Variants in AGBL1 observed in about 807,000 individuals in gnomAD.
The protein encoded by AGBL1 is cytosolic carboxypeptidase 4.
In AGBL1, 130 loss-of-function variants were observed where a neutral mutation model predicts 118.9. The observed-to-expected ratio is 1.09, with a 90% confidence interval of 0.95 to 1.26. The LOEUF (loss-of-function observed/expected upper bound fraction) is 1.26, where lower values mean the gene tolerates loss of function less well. Among genes scored for constraint, AGBL1 ranks in the 50% most tolerant of loss-of-function variants. The probability of loss-of-function intolerance (pLI) is 0.00; values close to 1 mark genes in which losing one functional copy is unlikely to be tolerated. For missense variants in AGBL1, 1,584 were observed against 1,298.1 expected (o/e 1.22, Z -3.38); for synonymous variants, 555 against 478.9 (o/e 1.16, Z -2.08).
chr15:86,965,257 A>G (rs1022175942), intron 23 of AGBL1, among the ~76,000 whole-genome samples: 3 of 152,110 alleles, frequency 2.0e-5, no homozygotes, highest in African/African-American at 7.2e-5. Context: ...AACAGTCTAA[A>G]AGCGTTTCTA....
At chr15:86,690,034 G>T (rs997889013) in intron 22 of AGBL1, among the ~76,000 whole-genome samples, 3 of 152,056 alleles carry the variant, frequency 2.0e-5, no homozygotes, top group Non-Finnish European at 4.4e-5. Context: ...TTTCTGTTTT[G>T]CTGTGGTCAA....
chr15:86,258,103 G>A lies in AGBL1; in HGVS notation c.969+72G>A, dbSNP rs1478694155. ...TGCACAGAAAAATATTACTTCCTGT[G>A]TTTGCCCAAGCCCAGTGTAAATTTT... On this transcript the variant is annotated intron_variant, in intron 9 of 22. Transcript: ENST00000614907. 8 of 1,501,036 alleles carry A rather than the reference G, an allele frequency of 5.3e-6. No individual in the cohort carries two copies. The African/African-American group carries it at 1.1e-4, about 21-fold the overall frequency. 93.0% of individuals were successfully genotyped at this position (1,501,036 alleles called of 1,614,324 possible). A position where few individuals can be genotyped will look rare whatever the true frequency, so the allele number is the denominator to read the frequency against.
At chr15:86,410,420 A>G (rs1408280017) in intron 18 of AGBL1, among the ~76,000 whole-genome samples, 1 of 152,128 alleles carries the variant, frequency 6.6e-6, no homozygotes, top group Non-Finnish European at 1.5e-5. Flanking sequence ...GACAGTCAGA[A>G]GAAGACCCAC....
intron 5 of AGBL1, among the ~76,000 whole-genome samples, chr15:86,164,941 GTC>G (rs2077316975): frequency 6.6e-6 from 1 of 152,158 alleles, no homozygotes; most frequent in South Asian, 2.1e-4. Context: ...GACCATGCTG[GTC>G]TCACCCTCAC....
At chr15:86,573,672 G>GTT (rs1342172186) in intron 21 of AGBL1, among the ~76,000 whole-genome samples, 3 of 152,162 alleles carry the variant, frequency 2.0e-5, no homozygotes, top group Non-Finnish European at 4.4e-5. Flanking sequence ...ACTGGAGTAT[G>GTT]TAAGAACATG....
intron 21 of AGBL1, among the ~76,000 whole-genome samples, chr15:86,566,932 T>A (rs529198737): frequency 4.4e-4 from 67 of 152,332 alleles, no homozygotes; most frequent in Admixed American, 1.0e-3. Context: ...CTGACTTTTA[T>A]GAGCTTTAGT....
chr15:86,682,111 A>G (rs2085969807), intron 22 of AGBL1, among the ~76,000 whole-genome samples: 1 of 152,208 alleles, frequency 6.6e-6, no homozygotes, highest in South Asian at 2.1e-4. Flanking sequence ...AGCGCATAGT[A>G]TGAAATATCT....
At chr15:86,643,925 C>A (rs939326385) in intron 21 of AGBL1, among the ~76,000 whole-genome samples, 2 of 152,056 alleles carry the variant, frequency 1.3e-5, no homozygotes, top group African/African-American at 4.8e-5. Flanking sequence ...GTTGTTTTTC[C>A]TATTTTTACT....
chr15:86,885,661 T>A (rs2079959515), intron 22 of AGBL1, among the ~76,000 whole-genome samples: 1 of 152,150 alleles, frequency 6.6e-6, no homozygotes, highest in African/African-American at 2.4e-5. Flanking sequence ...AAAAAAGCAA[T>A]AAGATATAGA....
At chr15:86,239,261 T>C (rs2078604008) in intron 6 of AGBL1, among the ~76,000 whole-genome samples, 1 of 152,238 alleles carries the variant, frequency 6.6e-6, no homozygotes, top group Non-Finnish European at 1.5e-5. Flanking sequence ...CAAGATTTGC[T>C]TGAAACCAAA....
intron 1 of AGBL1, chr15:86,116,709 C>T (rs1221985024): frequency 6.6e-6 from 1 of 152,252 alleles, no homozygotes; most frequent in African/African-American, 2.4e-5. Context: ...CAGGTCTTCA[C>T]ACTCAACTAG....
intron 24 of AGBL1, among the ~76,000 whole-genome samples, chr15:87,019,331 T>C (rs1291883499): frequency 6.6e-6 from 1 of 152,028 alleles, no homozygotes; most frequent in African/African-American, 2.4e-5. Flanking sequence ...TTCTCATCAC[T>C]ACACAGCACT....
intron 17 of AGBL1, among the ~76,000 whole-genome samples, chr15:86,389,782 C>G (rs1055193890): frequency 6.6e-6 from 1 of 151,676 alleles, no homozygotes; most frequent in African/African-American, 2.4e-5. Flanking sequence ...GGATGTATAA[C>G]TTAAGCTAAT....
At chr15:86,759,065 T>A (rs1002533221) in intron 22 of AGBL1, among the ~76,000 whole-genome samples, 1 of 151,906 alleles carries the variant, frequency 6.6e-6, no homozygotes, top group Non-Finnish European at 1.5e-5. Context: ...TTTCTTTGAA[T>A]CAAAGGAGTT....
At chr15:86,549,791 GAAATTTGA>G (rs930891474) in intron 20 of AGBL1, among the ~76,000 whole-genome samples, 7 of 147,930 alleles carry the variant, frequency 4.7e-5, no homozygotes, top group African/African-American at 1.7e-4. Context: ...AATATATATG[GAAATTTGA>G]TGGATAATTA....
intron 1 of AGBL1, among the ~76,000 whole-genome samples, chr15:86,119,546 C>A (rs554150270): frequency 6.6e-6 from 1 of 152,218 alleles, no homozygotes; most frequent in East Asian, 1.9e-4. Flanking sequence ...ATCTGCCCCC[C>A]CGGACCCATC....
At chr15:86,805,035 T>G (rs2078697898) in intron 22 of AGBL1, among the ~76,000 whole-genome samples, 1 of 152,062 alleles carries the variant, frequency 6.6e-6, no homozygotes, top group Admixed American at 6.6e-5. Flanking sequence ...GTGCCAAGTT[T>G]CTAGTGCATA....
At chr15:86,953,571 T>C (rs1596670290) in intron 23 of AGBL1, among the ~76,000 whole-genome samples, 1 of 151,960 alleles carries the variant, frequency 6.6e-6, no homozygotes, top group East Asian at 1.9e-4. Context: ...TTGTACCTTT[T>C]GTAGAGACAG....
intron 22 of AGBL1, among the ~76,000 whole-genome samples, chr15:86,841,158 A>T (rs1211098544): frequency 1.3e-5 from 2 of 152,190 alleles, no homozygotes; most frequent in Non-Finnish European, 2.9e-5. Flanking sequence ...GCAGCTCAGC[A>T]TTTCTTTGGC....
Sources: allele counts gnomAD v4.1 joint callset (sites outside exome capture counted in the v4.1 genomes callset), GRCh38; gene constraint gnomAD v4.1.1; transcripts MANE v1.5; gene names NCBI Gene and HGNC (gene_info 2026-07-23, HGNC 2026-07-21).